Variants in HSF5 observed in about 807,000 individuals in gnomAD.
HSF5 encodes heat shock transcription factor 5.
In HSF5, 5 loss-of-function variants were observed where a neutral mutation model predicts 50.8. That is an observed-to-expected ratio of 0.10 (90% CI 0.05 to 0.21). The LOEUF (loss-of-function observed/expected upper bound fraction) is 0.21, where lower values mean the gene tolerates loss of function less well. Ranked by LOEUF, HSF5 falls within the 10% of genes least tolerant of loss-of-function variation. HSF5 has a pLI of 1.00. For synonymous variants in HSF5, 307 were observed against 307.4 expected, an observed-to-expected ratio of 1.00 and a Z score of 0.02; for missense variants, 564 against 762.6, an observed-to-expected ratio of 0.74 and a Z score of 3.07.
rs959325330 is a variant in HSF5, at chr17:58,426,400, T to C, written c.1721-3970A>G. On this transcript the variant is annotated intron_variant, in intron 5 of 5. Transcript: ENST00000323777. ...GACTAGCTTGGTGTTGCTAGAGGTTTATACGCCTTCACTCAAAAGATAAAC... is the reference window on the plus strand; with the variant it reads ...GACTAGCTTGGTGTTGCTAGAGGTTCATACGCCTTCACTCAAAAGATAAAC... Among the ~76,000 whole-genome samples, 6 of 152,222 alleles carry C rather than the reference T, an allele frequency of 3.9e-5. No homozygotes were observed. The East Asian group carries it at 1.2e-3, about 29-fold the overall frequency.
intron 5 of HSF5, among the ~76,000 whole-genome samples, chr17:58,439,782 C>T (rs1430354109): frequency 6.6e-6 from 1 of 152,076 alleles, no homozygotes; most frequent in Non-Finnish European, 1.5e-5. Context: ...CCATGCCCAA[C>T]TGGAAATTAT....
intron 5 of HSF5, among the ~76,000 whole-genome samples, chr17:58,445,215 T>G (rs936169693): frequency 6.6e-6 from 1 of 152,122 alleles, no homozygotes; most frequent in Non-Finnish European, 1.5e-5. Context: ...CCTAAAAAAA[T>G]TAAAAATTGG....
chr17:58,446,391 CAT>C (rs1974563450), intron 5 of HSF5, among the ~76,000 whole-genome samples: 1 of 152,172 alleles, frequency 6.6e-6, no homozygotes, highest in Non-Finnish European at 1.5e-5. Context: ...CGCAATGCAG[CAT>C]AGAGAAAATC....
chr17:58,459,047 C>T, intron 4 of HSF5, 102 bp from the exon 5 acceptor site: 1 of 1,010,470 alleles, frequency 9.9e-7, no homozygotes, highest in Non-Finnish European at 1.5e-6. Flanking sequence ...CATGATCCAA[C>T]AAACAAGCTT....
intron 5 of HSF5, among the ~76,000 whole-genome samples, chr17:58,442,327 T>A (rs1015440157): frequency 1.3e-5 from 2 of 152,224 alleles, no homozygotes; most frequent in East Asian, 3.8e-4. Flanking sequence ...ACATACAGGA[T>A]GTATATAACT....
chr17:58,473,915 G>A (rs151084873), intron 2 of HSF5, among the ~76,000 whole-genome samples: 174 of 151,478 alleles, frequency 1.1e-3, no homozygotes, highest in African/African-American at 4.1e-3. Flanking sequence ...GCACAATCAC[G>A]GATCACTGCA....
intron 2 of HSF5, among the ~76,000 whole-genome samples, chr17:58,470,446 G>T (rs1005633416): frequency 4.6e-5 from 7 of 152,134 alleles, no homozygotes; most frequent in East Asian, 1.9e-4. Flanking sequence ...CTCATGTAAG[G>T]TTCCTAGAAA....
At chr17:58,475,476 A>C (rs915146316) in intron 2 of HSF5, among the ~76,000 whole-genome samples, 4 of 152,236 alleles carry the variant, frequency 2.6e-5, no homozygotes, top group Non-Finnish European at 5.9e-5. Context: ...TCTCCCATTG[A>C]GTGGCAGGGC....
chr17:58,438,358 A>G lies in HSF5; in HGVS notation c.1721-15928T>C, dbSNP rs575080083. ...AGGCAACATCATCTAGGTTTGTGTA[A>G]GTACAATTCACAATGTTTATAAAAC... On this transcript the variant is annotated intron_variant, in intron 5 of 5. Transcript: ENST00000323777. Among the ~76,000 whole-genome samples the G allele has an allele frequency of 8.5e-5, 13 of 152,330 alleles. No individual in the cohort carries two copies. In the East Asian group the frequency reaches 1.9e-3, roughly 23 times the overall value.
In HSF5 at chr17:58,421,668, T is replaced by G. The variant is rs997845698; in HGVS notation, c.*692A>C. ...TCTTTTTACCATTTATGATAATGTATCATTAAAATTAAAGAAAGATATGAA... is the reference window on the plus strand; with the variant it reads ...TCTTTTTACCATTTATGATAATGTAGCATTAAAATTAAAGAAAGATATGAA... On this transcript the variant is annotated 3_prime_UTR_variant, in exon 6 of 6. Coordinates refer to ENST00000323777, the MANE Select transcript of HSF5 (RefSeq NM_001080439.3). 4 of 152,456 alleles carry G rather than the reference T, an allele frequency of 2.6e-5. No individual in the cohort carries two copies. Among genetic ancestry groups the G allele is most frequent in the Non-Finnish European group, 2.9e-5 (2 of 68,046 alleles). 9.4% of individuals were successfully genotyped at this position (152,456 alleles called of 1,614,324 possible). A position where few individuals can be genotyped will look rare whatever the true frequency, so the allele number is the denominator to read the frequency against.
chr17:58,470,245 A>G (rs1424722472), intron 2 of HSF5, among the ~76,000 whole-genome samples: 1 of 152,242 alleles, frequency 6.6e-6, no homozygotes, highest in African/African-American at 2.4e-5. Context: ...AATTTACAAC[A>G]GCCAAAAGAT....
chr17:58,477,116 CTTTT>C (rs34246837), intron 2 of HSF5, among the ~76,000 whole-genome samples: 2 of 133,764 alleles, frequency 1.5e-5, no homozygotes, highest in African/African-American at 6.0e-5. Flanking sequence ...TATATATATA[CTTTT>C]TTTTTTTTTT....
At position 58,466,991 on chromosome 17, in the gene HSF5, T is replaced by A. The variant is rs759503790; in HGVS notation, c.926-12A>T. 3.8e-6 allele frequency: 6 copies of A among 1,563,758 alleles called. No individual in the cohort carries two copies. Among genetic ancestry groups the A allele is most frequent in the East Asian group, 4.5e-5 (2 of 44,586 alleles). ...GCACTGTAGCACAGCTGGAACAAAT[T>A]CAAACACAGAAAAGCCATCAACCAC... is the stretch of plus-strand genomic sequence containing the variant. On this transcript the variant is annotated splice_polypyrimidine_tract_variant and intron_variant, in intron 2 of 5. Coordinates refer to ENST00000323777, the MANE Select transcript of HSF5 (RefSeq NM_001080439.3).
chr17:58,424,473 A>T (rs1312732486), intron 5 of HSF5, among the ~76,000 whole-genome samples: 1 of 152,084 alleles, frequency 6.6e-6, no homozygotes, highest in East Asian at 1.9e-4. Flanking sequence ...TTAGTTGGGC[A>T]TGGTGGCAGG....
intron 2 of HSF5, among the ~76,000 whole-genome samples, chr17:58,473,208 G>A (rs191186759): frequency 2.6e-5 from 4 of 152,164 alleles, no homozygotes; most frequent in Admixed American, 2.6e-4. Flanking sequence ...AGGATTAAAT[G>A]AGTGAATATT....
chr17:58,454,179 A>C (rs765856302), intron 5 of HSF5, among the ~76,000 whole-genome samples: 3 of 152,098 alleles, frequency 2.0e-5, no homozygotes, highest in Non-Finnish European at 4.4e-5. Context: ...GACCCTGCCA[A>C]ATCCCCCTCT....
At chr17:58,424,256 C>G (rs903921263) in intron 5 of HSF5, among the ~76,000 whole-genome samples, 85 of 152,216 alleles carry the variant, frequency 5.6e-4, no homozygotes, top group African/African-American at 2.0e-3. Context: ...TATCCATCAA[C>G]AGATGAATGG....
At chr17:58,426,934 T>TA (rs1246093643) in intron 5 of HSF5, among the ~76,000 whole-genome samples, 1 of 152,076 alleles carries the variant, frequency 6.6e-6, no homozygotes, top group Non-Finnish European at 1.5e-5. Flanking sequence ...TTTGGACACC[T>TA]AATCAATTCG....
At chr17:58,459,166 T>C (rs1399435557) in intron 4 of HSF5, among the ~76,000 whole-genome samples, 18 of 152,174 alleles carry the variant, frequency 1.2e-4, no homozygotes. Context: ...ATATCTACCA[T>C]GAAGCTTGTT....
Sources: gnomAD v4.1 joint callset for allele counts (sites outside exome capture counted in the v4.1 genomes callset) on GRCh38, gnomAD v4.1.1 for gene constraint, MANE v1.5 for transcripts, NCBI Gene and HGNC (gene_info 2026-07-23, HGNC 2026-07-21) for gene names.